Variants in MEMO1 observed in about 807,000 individuals in gnomAD.
The protein encoded by MEMO1 is protein MEMO1.
A neutral mutation model predicts 45.2 loss-of-function variants in MEMO1; 6 were observed. That is an observed-to-expected ratio of 0.13 (90% CI 0.07 to 0.26). The LOEUF (loss-of-function observed/expected upper bound fraction) is 0.26. MEMO1 is among the 10% of genes least tolerant of loss of function. The pLI is 1.00. For missense variants in MEMO1, 184 were observed against 370.5 expected (o/e 0.50, Z 4.13); for synonymous variants, 78 against 124.3 (o/e 0.63, Z 2.48).
rs368203680 is a variant in MEMO1, at chr2:31,896,090, G to A, written c.438-3956C>T. Among the ~76,000 whole-genome samples, 1,180 of 152,024 alleles carry A rather than the reference G, an allele frequency of 7.8e-3. 17 individuals are homozygous for A. The highest frequency in any genetic ancestry group is 0.026 in the African/African-American group (1,086 of 41,492). On this transcript the variant is annotated intron_variant, in intron 6 of 9. Coordinates refer to ENST00000404530, the MANE Select transcript of MEMO1 (RefSeq NM_001301833.4). ...GATCTCCTGACCTCGTGATCCGCCC[G>A]CCTCAGCCTCCCAAAGTGCTGGGAT...
intron 8 of MEMO1, among the ~76,000 whole-genome samples, chr2:31,872,751 G>A (rs1464503172): frequency 6.6e-6 from 1 of 152,092 alleles, no homozygotes; most frequent in Non-Finnish European, 1.5e-5. Context: ...TATAAACTTA[G>A]TAGTGCAAAA....
chr2:31,966,269 A>G (rs1668600455), intron 2 of MEMO1, among the ~76,000 whole-genome samples: 1 of 152,226 alleles, frequency 6.6e-6, no homozygotes, highest in South Asian at 2.1e-4. Flanking sequence ...CTGTTTAAAT[A>G]GAGACTTATT....
chr2:31,884,869 C>T (rs1675950857), intron 7 of MEMO1, among the ~76,000 whole-genome samples: 1 of 152,058 alleles, frequency 6.6e-6, no homozygotes, highest in African/African-American at 2.4e-5. Context: ...ATATCTGCTT[C>T]CTGAATAAAA....
intron 6 of MEMO1, among the ~76,000 whole-genome samples, chr2:31,898,530 G>C (rs1678239099): frequency 6.6e-6 from 1 of 152,188 alleles, no homozygotes; most frequent in African/African-American, 2.4e-5. Context: ...GCGGTTTTGA[G>C]TGAGTTTCTT....
intron 8 of MEMO1, among the ~76,000 whole-genome samples, chr2:31,870,776 C>T (rs537805655): frequency 6.6e-6 from 1 of 152,258 alleles, no homozygotes; most frequent in South Asian, 2.1e-4. Flanking sequence ...CCAGGTTTCA[C>T]CATGTTGGCC....
chr2:31,898,702 G>A (rs1204965713), intron 6 of MEMO1, among the ~76,000 whole-genome samples: 1 of 152,228 alleles, frequency 6.6e-6, no homozygotes, highest in Non-Finnish European at 1.5e-5. Context: ...ATTTGGGGTA[G>A]AGAGTTCCCC....
intron 8 of MEMO1, among the ~76,000 whole-genome samples, chr2:31,880,804 A>G (rs1392316482): frequency 6.6e-6 from 1 of 152,184 alleles, no homozygotes; most frequent in African/African-American, 2.4e-5. Flanking sequence ...TTATTTAAAA[A>G]ATTAAAATAA....
chr2:31,993,048 C>G (rs1446157474), intron 2 of MEMO1, among the ~76,000 whole-genome samples: 1 of 152,096 alleles, frequency 6.6e-6, no homozygotes, highest in African/African-American at 2.4e-5. Context: ...TGGCACATGC[C>G]TCTAGTCCCA....
chr2:31,964,834 T>C (rs1234290465), intron 2 of MEMO1, among the ~76,000 whole-genome samples: 1 of 152,182 alleles, frequency 6.6e-6, no homozygotes, highest in African/African-American at 2.4e-5. Flanking sequence ...TTTTACAAAA[T>C]AGTTTCTTTT....
At chr2:31,897,741 T>A (rs1678088612) in intron 6 of MEMO1, among the ~76,000 whole-genome samples, 1 of 152,188 alleles carries the variant, frequency 6.6e-6, no homozygotes, top group Non-Finnish European at 1.5e-5. Context: ...TAAAACGAGT[T>A]AGGGAGGAAC....
chr2:31,974,469 G>A (rs1021281537), intron 2 of MEMO1, among the ~76,000 whole-genome samples: 5 of 152,128 alleles, frequency 3.3e-5, no homozygotes, highest in Non-Finnish European at 7.4e-5. Context: ...ATTTGCGGCC[G>A]GGCACGGTGA....
chr2:31,996,387 A>T (rs1311279942), intron 2 of MEMO1, among the ~76,000 whole-genome samples: 1 of 152,140 alleles, frequency 6.6e-6, no homozygotes. Context: ...ATCTCTACTA[A>T]AAACAAAAAT....
At chr2:31,884,050 G>T (rs1281074682) in intron 7 of MEMO1, among the ~76,000 whole-genome samples, 1 of 151,788 alleles carries the variant, frequency 6.6e-6, no homozygotes, top group African/African-American at 2.4e-5. Context: ...ACACAAAAGG[G>T]TAAATATAAT....
At chr2:31,991,798 T>C (rs1671987695) in intron 2 of MEMO1, among the ~76,000 whole-genome samples, 1 of 151,980 alleles carries the variant, frequency 6.6e-6, no homozygotes. Flanking sequence ...ACTAGAAGAG[T>C]AAGCACTGGT....
At chr2:31,894,787 G>C (rs540773158) in intron 6 of MEMO1, among the ~76,000 whole-genome samples, 18 of 152,132 alleles carry the variant, frequency 1.2e-4, no homozygotes, top group Non-Finnish European at 2.2e-4. Context: ...CATGAAAACA[G>C]ACTATACTTA....
chr2:31,959,652 C>G (rs370314587), intron 2 of MEMO1, among the ~76,000 whole-genome samples: 1 of 151,948 alleles, frequency 6.6e-6, no homozygotes, highest in South Asian at 2.1e-4. Context: ...CAAATGAAAA[C>G]TACTCCAAAA....
At chr2:31,960,117 G>T (rs1187551247) in intron 2 of MEMO1, among the ~76,000 whole-genome samples, 1 of 151,486 alleles carries the variant, frequency 6.6e-6, no homozygotes, top group Admixed American at 6.6e-5. Flanking sequence ...GAACTGCTTG[G>T]ACCTAGGAGG....
intron 6 of MEMO1, among the ~76,000 whole-genome samples, chr2:31,906,702 G>T (rs1460201083): frequency 6.6e-6 from 1 of 152,132 alleles, no homozygotes. Context: ...ACCAGTCACA[G>T]AATAAAATAC....
At chr2:31,951,544 T>G (rs1666852012) in intron 2 of MEMO1, among the ~76,000 whole-genome samples, 1 of 152,050 alleles carries the variant, frequency 6.6e-6, no homozygotes, top group Non-Finnish European at 1.5e-5. Flanking sequence ...TCTTTTTATT[T>G]TTTATTGAGA....
Sources: allele counts gnomAD v4.1 joint callset (sites outside exome capture counted in the v4.1 genomes callset), GRCh38; gene constraint gnomAD v4.1.1; transcripts MANE v1.5; gene names NCBI Gene and HGNC (gene_info 2026-07-23, HGNC 2026-07-21).